The following RGS8 variants were observed in gnomAD, a reference collection of about 807,000 sequenced individuals.
RGS8 encodes regulator of G protein signaling 8, also known as regulator of G-protein signaling 8.
RGS8 carries 8 observed loss-of-function variants against 21.7 expected under a neutral mutation model. The ratio of observed to expected loss-of-function variants is 0.37; its 90% CI spans 0.22 to 0.66. RGS8 has a LOEUF of 0.66. Ranked by LOEUF, RGS8 falls within the 30% of genes least tolerant of loss-of-function variation. The pLI is 0.59. For missense variants in RGS8, 157 were observed against 217.9 expected, an observed-to-expected ratio of 0.72 and a Z score of 1.76; for synonymous variants, 80 against 83.6, an observed-to-expected ratio of 0.96 and a Z score of 0.24.
intron 5 of RGS8, among the ~76,000 whole-genome samples, chr1:182,649,710 T>C (rs1485722069): frequency 6.6e-6 from 1 of 152,118 alleles, no homozygotes; most frequent in African/African-American, 2.4e-5. Context: ...TATTTAAAAA[T>C]ATTTTTTATT....
At chr1:182,645,314 CTG>C (rs1557879090), downstream of RGS8, 3 of 152,372 alleles carry the variant, frequency 2.0e-5, no homozygotes, top group Non-Finnish European at 1.5e-5. Context: ...TAACTCCACT[CTG>C]TTATCCTCTC....
intron 1 of RGS8, among the ~76,000 whole-genome samples, chr1:182,679,437 G>T (rs921514394): frequency 1.3e-5 from 2 of 151,972 alleles, no homozygotes. Context: ...TCCCCTGGCT[G>T]CCCTTCCCCT....
At chr1:182,695,256 A>G in the RGS8 span, among the ~76,000 whole-genome samples, 3 of 152,228 alleles carry the variant, frequency 2.0e-5, no homozygotes, top group Non-Finnish European at 4.4e-5. Flanking sequence ...TACACTGGAA[A>G]AGACTTTGGC....
chr1:182,734,628 G>A, the RGS8 span: 1 of 152,102 alleles, frequency 6.6e-6, no homozygotes, highest in Non-Finnish European at 1.5e-5. Flanking sequence ...GTAAAAATAA[G>A]GCTTGACCAA....
the RGS8 span, among the ~76,000 whole-genome samples, chr1:182,723,546 T>C: frequency 6.6e-6 from 1 of 152,220 alleles, no homozygotes; most frequent in Non-Finnish European, 1.5e-5. Flanking sequence ...AAGAGAGTGC[T>C]TAAGACAGAA....
At chr1:182,703,882 T>C in the RGS8 span, among the ~76,000 whole-genome samples, 759 of 152,334 alleles carry the variant, frequency 5.0e-3, 7 homozygotes, top group African/African-American at 0.017. Context: ...AAACCACAAA[T>C]TTTATTATTC....
chr1:182,721,109 A>G, the RGS8 span, among the ~76,000 whole-genome samples: 1 of 147,922 alleles, frequency 6.8e-6, no homozygotes, highest in Non-Finnish European at 1.5e-5. Flanking sequence ...ATATATACAT[A>G]TATATATGAT....
At chr1:182,680,360 A>C (rs746844811) in intron 1 of RGS8, among the ~76,000 whole-genome samples, 1 of 152,136 alleles carries the variant, frequency 6.6e-6, no homozygotes, top group Non-Finnish European at 1.5e-5. Context: ...CACATATCAC[A>C]GGGTTCCATG....
chr1:182,732,220 CT>C, the RGS8 span, among the ~76,000 whole-genome samples: 2 of 151,220 alleles, frequency 1.3e-5, no homozygotes, highest in Non-Finnish European at 2.9e-5. Flanking sequence ...AGAACAAGCG[CT>C]CTCTCTCTTT....
At chr1:182,690,678 C>CA in the RGS8 span, among the ~76,000 whole-genome samples, 1 of 152,090 alleles carries the variant, frequency 6.6e-6, no homozygotes, top group Non-Finnish European at 1.5e-5. Context: ...GTAGTTTGGA[C>CA]AAAAAATACC....
the RGS8 span, among the ~76,000 whole-genome samples, chr1:182,734,112 G>C: frequency 6.6e-6 from 1 of 151,768 alleles, no homozygotes; most frequent in Non-Finnish European, 1.5e-5. Flanking sequence ...GTAGAGACAG[G>C]GTTTCACCAT....
At chr1:182,689,838 C>T in the RGS8 span, among the ~76,000 whole-genome samples, 1 of 152,232 alleles carries the variant, frequency 6.6e-6, no homozygotes, top group Admixed American at 6.5e-5. Flanking sequence ...AGCACATGCA[C>T]ATACACAATG....
At chr1:182,681,176 G>A (rs1457090620) in intron 1 of RGS8, among the ~76,000 whole-genome samples, 2 of 152,172 alleles carry the variant, frequency 1.3e-5, no homozygotes, top group Non-Finnish European at 2.9e-5. Context: ...GAGGCTGCAT[G>A]GATGGGACAG....
upstream of RGS8, among the ~76,000 whole-genome samples, chr1:182,677,606 G>A (rs1664406256): frequency 6.6e-6 from 1 of 152,210 alleles, no homozygotes; most frequent in Admixed American, 6.5e-5. Flanking sequence ...TGATTCTCCA[G>A]CTGCTCAGTG....
chr1:182,707,864 G>A, the RGS8 span, among the ~76,000 whole-genome samples: 1 of 152,028 alleles, frequency 6.6e-6, no homozygotes, highest in Non-Finnish European at 1.5e-5. Flanking sequence ...CCACCACCAT[G>A]TCTGGCTAAT....
chr1:182,650,632 G>A (rs1662963513), intron 5 of RGS8, among the ~76,000 whole-genome samples: 1 of 152,172 alleles, frequency 6.6e-6, no homozygotes, highest in African/African-American at 2.4e-5. Flanking sequence ...AGGCTGAGGT[G>A]AACAGACTGC....
intron 1 of RGS8, among the ~76,000 whole-genome samples, chr1:182,682,290 T>G (rs1333246298): frequency 1.3e-5 from 2 of 152,128 alleles, no homozygotes; most frequent in East Asian, 3.9e-4. Context: ...AAAAGGACAT[T>G]TGAGGCTTAG....
At chr1:182,685,157 C>T (rs1360834170), upstream of RGS8, among the ~76,000 whole-genome samples, 2 of 152,056 alleles carry the variant, frequency 1.3e-5, no homozygotes, top group Non-Finnish European at 2.9e-5. Flanking sequence ...CATTTGTCAC[C>T]CTCTGCTGCA....
At chr1:182,747,065 TTTTTTTTTTTTTTTTG>T in the RGS8 span, among the ~76,000 whole-genome samples, 1 of 116,632 alleles carries the variant, frequency 8.6e-6, no homozygotes, top group African/African-American at 3.2e-5. Flanking sequence ...TTTTTTTTTT[TTTTTTTTTTTTTTTTG>T]TAGAGATGGA....
Sources: gnomAD v4.1 joint callset for allele counts (sites outside exome capture counted in the v4.1 genomes callset) on GRCh38, gnomAD v4.1.1 for gene constraint, MANE v1.5 for transcripts, NCBI Gene and HGNC (gene_info 2026-07-23, HGNC 2026-07-21) for gene names.